FAM234A: variants seen among roughly 807,000 people sequenced by gnomAD.
FAM234A encodes protein FAM234A.
FAM234A carries 42 observed loss-of-function variants against 49.1 expected under a neutral mutation model. The ratio of observed to expected loss-of-function variants is 0.86; its 90% CI spans 0.67 to 1.11. The LOEUF (loss-of-function observed/expected upper bound fraction) is 1.11, where lower values mean the gene tolerates loss of function less well. Among genes scored for constraint, FAM234A ranks in the 50% least tolerant of loss-of-function variants. The probability of loss-of-function intolerance (pLI) is 0.00; values close to 1 mark genes in which losing one functional copy is unlikely to be tolerated. For missense variants in FAM234A, 815 were observed against 745.2 expected, an observed-to-expected ratio of 1.09 and a Z score of -1.09; for synonymous variants, 369 against 316.2, an observed-to-expected ratio of 1.17 and a Z score of -1.77.
downstream of FAM234A, chr16:269,086 C>A: frequency 1.0e-6 from 1 of 953,268 alleles, no homozygotes; most frequent in Non-Finnish European, 1.7e-6. Flanking sequence ...TCCTTCTGGG[C>A]AGGGAGGGCT....
At chr16:268,422 T>C, downstream of FAM234A, 1 of 301,570 alleles carries the variant, frequency 3.3e-6, no homozygotes, top group Non-Finnish European at 6.3e-6. Context: ...GCCGAGAGAG[T>C]TGAAGCTGCA....
intron 1 of FAM234A, among the ~76,000 whole-genome samples, chr16:244,712 G>T: frequency 1.5e-5 from 2 of 135,030 alleles, no homozygotes. Flanking sequence ...TTTTGAGACG[G>T]AATTTTGCTT....
intron 3 of FAM234A, among the ~76,000 whole-genome samples, chr16:257,583 C>T (rs1436581190): frequency 6.6e-6 from 1 of 152,020 alleles, no homozygotes; most frequent in Non-Finnish European, 1.5e-5. Flanking sequence ...TCACCAGATC[C>T]CTTGTCATGA....
intron 11 of FAM234A, 96 bp downstream of exon 11, chr16:264,267 C>T (rs144851886): frequency 1.2e-4 from 146 of 1,260,588 alleles, no homozygotes; most frequent in Non-Finnish European, 1.5e-4. Context: ...TCATCGGTGC[C>T]TGGGCAACCT....
At chr16:246,219 A>T (rs145867244) in intron 1 of FAM234A, among the ~76,000 whole-genome samples, 4,842 of 150,712 alleles carry the variant, frequency 0.032, 238 homozygotes, top group African/African-American at 0.11. Context: ...TGTCTCAAAA[A>T]AATAATAATA....
intron 3 of FAM234A, among the ~76,000 whole-genome samples, chr16:255,045 C>T (rs534567817): frequency 6.6e-6 from 1 of 151,894 alleles, no homozygotes; most frequent in South Asian, 2.1e-4. Flanking sequence ...TAGTAGAGAC[C>T]GGGTTTCACC....
At chr16:241,775 G>A (rs2050624384) in intron 1 of FAM234A, among the ~76,000 whole-genome samples, 1 of 151,038 alleles carries the variant, frequency 6.6e-6, no homozygotes, top group African/African-American at 2.4e-5. Context: ...AAATTAGCCG[G>A]GCTTGGTGGC....
chr16:255,576 A>G (rs994981596), intron 3 of FAM234A, among the ~76,000 whole-genome samples: 2 of 152,174 alleles, frequency 1.3e-5, no homozygotes, highest in African/African-American at 4.8e-5. Context: ...CCTGTCTCAA[A>G]AAGAGAAAAT....
In FAM234A at chr16:263,192, C is replaced by T. The variant is rs1233087908; in HGVS notation, c.972-70C>T. ...AGGAGCACCCTGAGACGGGCGGTGC[C>T]AGAGCCTCCACTGGGTGCCTGAGGC... On this transcript the variant is annotated intron_variant, in intron 8 of 12. Coordinates refer to ENST00000399932, the MANE Select transcript of FAM234A (RefSeq NM_032039.4). The T allele has an allele frequency of 1.9e-6, 3 of 1,572,780 alleles. No homozygotes were observed. In the African/African-American group the frequency reaches 4.0e-5, roughly 21 times the overall value.
intron 1 of FAM234A, among the ~76,000 whole-genome samples, chr16:244,839 C>A (rs1352806838): frequency 6.6e-6 from 1 of 151,604 alleles, no homozygotes; most frequent in Non-Finnish European, 1.5e-5. Flanking sequence ...AGGCATGCAC[C>A]ACCACGCCCG....
At chr16:257,947 T>A (rs1279778950) in intron 3 of FAM234A, among the ~76,000 whole-genome samples, 1 of 152,016 alleles carries the variant, frequency 6.6e-6, no homozygotes, top group Non-Finnish European at 1.5e-5. Context: ...AGCCTCCACC[T>A]CCTGGGTTCA....
downstream of FAM234A, chr16:269,429 C>T (rs781466619): frequency 2.8e-5 from 45 of 1,590,812 alleles, no homozygotes; most frequent in East Asian, 9.5e-4. Context: ...AGCTGGTGTC[C>T]TGCCCACCTC....
chr16:255,292 A>G (rs539374736), intron 3 of FAM234A, among the ~76,000 whole-genome samples: 2 of 152,320 alleles, frequency 1.3e-5, no homozygotes, highest in African/African-American at 4.8e-5. Context: ...ACCTGGCCCA[A>G]TTCAGTGATT....
intron 1 of FAM234A, among the ~76,000 whole-genome samples, chr16:239,457 C>CA (rs375171332): frequency 4.1e-5 from 6 of 146,232 alleles, no homozygotes; most frequent in Admixed American, 1.4e-4. Flanking sequence ...ACTAAAAATA[C>CA]AAAAAAAACT....
intron 5 of FAM234A, chr16:260,467 C>G (rs1036971853): frequency 2.8e-5 from 14 of 494,856 alleles, no homozygotes; most frequent in Non-Finnish European, 8.0e-6. Context: ...CGGCTTGGCC[C>G]CCGGCTGCTC....
rs965596225 is a variant in FAM234A at position 234,871 on chromosome 16, G to A, written c.-140+14G>A. 1.3e-5 allele frequency: 2 copies of A among 152,312 alleles called. No individual in the cohort carries two copies. The highest frequency in any genetic ancestry group is 4.8e-5 in the African/African-American group (2 of 41,440). 9.4% of individuals were successfully genotyped at this position (152,312 alleles called of 1,614,324 possible). ...CCGCGGCGGCAGGTGAGTGAGCGCG[G>A]CCTCGTACTCGCGCGTGCACGCCGC... On this transcript the variant is annotated intron_variant, in intron 1 of 12. Coordinates refer to ENST00000399932, the MANE Select transcript of FAM234A (RefSeq NM_032039.4).
intron 1 of FAM234A, among the ~76,000 whole-genome samples, chr16:239,189 A>G: frequency 7.6e-6 from 1 of 132,340 alleles, no homozygotes. Context: ...AGTCCCAGCT[A>G]CTCGGGAGGA....
rs778204021 is a variant in FAM234A, at chr16:260,076, C to T, written c.493C>T (p.Pro165Ser). 2 of 1,613,822 alleles carry T rather than the reference C, an allele frequency of 1.2e-6. No homozygotes were observed. The highest frequency in any genetic ancestry group is 1.7e-5 in the Admixed American group (1 of 60,028). Reference protein sequence around the residue: ...QDVALVECAVPQPRGSEAPSA... With the variant: ...QDVALVECAVSQPRGSEAPSA... ...CGTGGCCCTCGTGGAGTGTGCTGTG[C>T]CCCAGCCAAGAGGCAGTGAGGCACC... Residue 165 changes from proline (P) to serine (S), a missense_variant, in exon 5 of 13, where the codon CCC becomes TCC. By Grantham distance (74) the Pro-to-Ser change is moderately conservative. Coordinates refer to ENST00000399932, the MANE Select transcript of FAM234A (RefSeq NM_032039.4).
At chr16:254,977 T>C (rs1010811120) in intron 3 of FAM234A, among the ~76,000 whole-genome samples, 5 of 152,188 alleles carry the variant, frequency 3.3e-5, no homozygotes, top group African/African-American at 1.2e-4. Context: ...CGCCTCAGCC[T>C]CCCAAATAGC....
Sources: gnomAD v4.1 joint callset for allele counts (sites outside exome capture counted in the v4.1 genomes callset) on GRCh38, gnomAD v4.1.1 for gene constraint, MANE v1.5 for transcripts, NCBI Gene and HGNC (gene_info 2026-07-23, HGNC 2026-07-21) for gene names.